LIMD1: variants seen among roughly 807,000 people sequenced by gnomAD.
LIMD1 encodes the protein LIM domain containing 1, also known as LIM domain-containing protein 1.
LIMD1 carries 23 observed loss-of-function variants against 58.4 expected under a neutral mutation model. The observed-to-expected ratio is 0.39, with a 90% CI of 0.28 to 0.56. The LOEUF (loss-of-function observed/expected upper bound fraction) is 0.56. LIMD1 is among the 20% of genes least tolerant of loss of function. The pLI is 0.57. For synonymous variants in LIMD1, 334 were observed against 345.5 expected, an observed-to-expected ratio of 0.97 and a Z score of 0.37; for missense variants, 838 against 855.5, an observed-to-expected ratio of 0.98 and a Z score of 0.25.
In LIMD1 at chr3:45,595,247, G is replaced by T; in HGVS notation, c.368G>T (p.Gly123Val). The change falls in exon 1 of 8, where the codon GGG (glycine) becomes GTG (valine). Residue 123 changes from glycine (G) to valine (V), a missense_variant. Around this residue, in one of 3 missense-constraint regions of LIMD1, gnomAD observed 659 missense variants for 639.8 expected, o/e 1.03. Coordinates refer to ENST00000273317, the MANE Select transcript of LIMD1 (RefSeq NM_014240.3). ...GGGGCAGTCACCACCCTCGCTGCTG[G>T]GCAGCCCCCGTACCCACCGCAGGAG... ...APGAVTTLAA[G>V]QPPYPPQEQR... 6.2e-7 allele frequency: 1 copy of T among 1,606,548 alleles called. No homozygotes were observed. The highest frequency in any genetic ancestry group is 8.5e-7 in the Non-Finnish European group (1 of 1,176,378).
At chr3:45,630,256 C>G (rs1267320548) in intron 1 of LIMD1, among the ~76,000 whole-genome samples, 1 of 152,172 alleles carries the variant, frequency 6.6e-6, no homozygotes, top group Admixed American at 6.5e-5. Context: ...TCTTGTTGAG[C>G]CTGAGCCTCT....
Position 45,636,198 on chromosome 3 carries a change from G to A in LIMD1, c.1457G>A (p.Cys486Tyr). 2 of 1,613,064 alleles carry A rather than the reference G, an allele frequency of 1.2e-6. No individual in the cohort carries two copies. Among genetic ancestry groups the A allele is most frequent in the Non-Finnish European group, 1.7e-6 (2 of 1,179,554 alleles). Residue 486 changes from cysteine (C) to tyrosine (Y), a missense_variant, in exon 2 of 8, where the codon TGT becomes TAT. Cys to Tyr is a radical substitution (Grantham distance 194). This residue lies in a region of LIMD1 where 659 missense variants were observed against 639.8 expected (regional missense o/e 1.03). Transcript: ENST00000273317. ...SKGVFGAGQA[C>Y]QAMGNLYHDT... ...GGGGTGTTTGGGGCTGGCCAGGCCT[G>A]TCAGGCCATGGGGAACCTCTACCAT...
chr3:45,668,426 TTAA>T, intron 4 of LIMD1, 70 bp downstream of exon 4: 1 of 1,221,944 alleles, frequency 8.2e-7, no homozygotes, highest in East Asian at 2.4e-5. Flanking sequence ...AAAAAAGAAA[TTAA>T]TAATTGAGGA....
At position 45,606,071 on chromosome 3, in the gene LIMD1, A is replaced by G. The variant is rs145747122; in HGVS notation, c.1408+9784A>G. Among the ~76,000 whole-genome samples the G allele has an allele frequency of 2.4e-3, 366 of 152,346 alleles. 1 individual carries two copies. The highest frequency in any genetic ancestry group is 0.01 in the Middle Eastern group (3 of 294). On this transcript the variant is annotated intron_variant, in intron 1 of 7. Coordinates refer to ENST00000273317, the MANE Select transcript of LIMD1 (RefSeq NM_014240.3). Reference sequence around the variant, plus strand: ...ATGGCTCTGAGACAGTTTTACTAAAATTGGTCTAGCAGTTTCTCTGCCAGA... The same window carrying G: ...ATGGCTCTGAGACAGTTTTACTAAAGTTGGTCTAGCAGTTTCTCTGCCAGA...
intron 1 of LIMD1, among the ~76,000 whole-genome samples, chr3:45,630,724 G>A (rs981858807): frequency 1.3e-5 from 2 of 152,102 alleles, no homozygotes; most frequent in African/African-American, 4.8e-5. Flanking sequence ...GGGGGGTTGG[G>A]GGGCATGTGT....
intron 1 of LIMD1, among the ~76,000 whole-genome samples, chr3:45,599,552 C>T (rs1701390945): frequency 6.6e-6 from 1 of 152,226 alleles, no homozygotes; most frequent in East Asian, 1.9e-4. Context: ...TTCTGCCAGC[C>T]CCAGTGGTGG....
chr3:45,608,011 A>T (rs953115490), intron 1 of LIMD1, among the ~76,000 whole-genome samples: 11 of 152,188 alleles, frequency 7.2e-5, no homozygotes, highest in Admixed American at 6.5e-5. Flanking sequence ...CTTCCTGATG[A>T]TGCAGTGAGG....
chr3:45,614,459 G>A (rs1019857340), intron 1 of LIMD1, among the ~76,000 whole-genome samples: 16 of 150,552 alleles, frequency 1.1e-4, no homozygotes, highest in African/African-American at 1.5e-4. Context: ...TGTGGTTCAC[G>A]CACTTTGTAA....
intron 1 of LIMD1, among the ~76,000 whole-genome samples, chr3:45,629,426 A>AAG (rs1553644098): frequency 4.7e-5 from 7 of 148,332 alleles, no homozygotes; most frequent in South Asian, 2.1e-4. Flanking sequence ...AAAAAAAAAA[A>AAG]AAAAGAAAAG....
At chr3:45,609,280 C>G (rs1192818329) in intron 1 of LIMD1, among the ~76,000 whole-genome samples, 1 of 152,212 alleles carries the variant, frequency 6.6e-6, no homozygotes, top group African/African-American at 2.4e-5. Context: ...CTTGGAGAAT[C>G]CCTGTCCCTT....
intron 2 of LIMD1, among the ~76,000 whole-genome samples, chr3:45,646,168 G>A (rs1194607338): frequency 6.6e-6 from 1 of 152,206 alleles, no homozygotes; most frequent in Non-Finnish European, 1.5e-5. Context: ...GAGGTCATGG[G>A]GTCTCAGAGC....
intron 4 of LIMD1, among the ~76,000 whole-genome samples, chr3:45,670,825 T>A (rs1010595906): frequency 2.6e-5 from 4 of 152,230 alleles, no homozygotes; most frequent in African/African-American, 9.6e-5. Context: ...ACTTGAAAAC[T>A]TTTAGTGAAT....
chr3:45,649,766 T>TATATATATATAAA (rs1701946488), intron 2 of LIMD1, among the ~76,000 whole-genome samples: 2 of 145,780 alleles, frequency 1.4e-5, no homozygotes, highest in South Asian at 4.2e-4. Context: ...ATTTTATATA[T>TATATATATATAAA]ATAATTATAT....
rs1345646494 is a variant in LIMD1 at position 45,680,314 on chromosome 3, C to G, written c.*3255C>G. 1 of 151,900 alleles carries G rather than the reference C, an allele frequency of 6.6e-6. No individual in the cohort carries two copies. Among genetic ancestry groups the G allele is most frequent in the African/African-American group, 2.4e-5 (1 of 41,330 alleles). The allele number at this position is 151,900 out of a possible 1,614,324, so 9.4% of individuals were successfully genotyped here. A position where few individuals can be genotyped will look rare whatever the true frequency, so the allele number is the denominator to read the frequency against. ...CTGCCAGGAAACCAAATTTTCTTTT[C>G]TTTTCTTTTTTTTTTTGAGACAGGG... On this transcript the variant is annotated 3_prime_UTR_variant, in exon 8 of 8. Coordinates refer to ENST00000273317, the MANE Select transcript of LIMD1 (RefSeq NM_014240.3).
chr3:45,675,636 G>C (rs1265779797), intron 7 of LIMD1, among the ~76,000 whole-genome samples: 2 of 117,026 alleles, frequency 1.7e-5, no homozygotes, highest in African/African-American at 5.2e-5. Context: ...ACAAATTAAA[G>C]TCATGTATCA....
chr3:45,652,275 C>T (rs183608486), intron 2 of LIMD1, among the ~76,000 whole-genome samples: 309 of 152,316 alleles, frequency 2.0e-3, no homozygotes, highest in African/African-American at 6.9e-3. Flanking sequence ...TCTCTAGCAG[C>T]TCAGTTTGAG....
chr3:45,673,552 A>ATT (rs767682344), intron 6 of LIMD1, 47 bp downstream of exon 6: 2 of 1,407,364 alleles, frequency 1.4e-6, no homozygotes, highest in East Asian at 4.6e-5. Flanking sequence ...TAAGACATGA[A>ATT]TATCTCCCTG....
chr3:45,608,522 C>A (rs572829409), intron 1 of LIMD1, among the ~76,000 whole-genome samples: 2 of 152,046 alleles, frequency 1.3e-5, no homozygotes, highest in Non-Finnish European at 2.9e-5. Flanking sequence ...TGTTTAGAAG[C>A]AAGAGAGGCC....
intron 1 of LIMD1, among the ~76,000 whole-genome samples, chr3:45,612,438 G>A (rs891618551): frequency 3.3e-5 from 5 of 152,166 alleles, no homozygotes; most frequent in Non-Finnish European, 5.9e-5. Flanking sequence ...CTCAATGCCT[G>A]GAAGTCATTT....
Sources: gnomAD v4.1 joint callset for allele counts (sites outside exome capture counted in the v4.1 genomes callset) on GRCh38, gnomAD v4.1.1 for gene constraint, gnomAD v4.1.1 regional missense constraint, MANE v1.5 for transcripts, NCBI Gene and HGNC (gene_info 2026-07-23, HGNC 2026-07-21) for gene names.